SLC3A1: variants seen among roughly 807,000 people sequenced by gnomAD.
SLC3A1 encodes amino acid transporter heavy chain SLC3A1.
SLC3A1 carries 78 observed loss-of-function variants against 60.3 expected under a neutral mutation model. The observed-to-expected ratio is 1.29, with a 90% confidence interval of 1.08 to 1.56. SLC3A1 has a LOEUF of 1.56. SLC3A1 is among the 40% of genes most tolerant of loss of function. The probability of loss-of-function intolerance (pLI) is 0.00; values close to 1 mark genes in which losing one functional copy is unlikely to be tolerated. For missense variants in SLC3A1, 1,172 were observed against 858.9 expected, an observed-to-expected ratio of 1.36 and a Z score of -4.56; for synonymous variants, 392 against 307.9, an observed-to-expected ratio of 1.27 and a Z score of -2.86.
At chr2:44,314,350 G>C (rs1340849400) in intron 9 of SLC3A1, 4 of 414,462 alleles carry the variant, frequency 9.7e-6, no homozygotes, top group South Asian at 3.2e-5. Flanking sequence ...AATCAACCCA[G>C]AGCAAGGCTC....
rs1442107309 is a variant in SLC3A1, at chr2:44,287,171, C to T, written c.891+1014C>T. ...AGTCTCCAATATACTGAGGGGAAAG[C>T]AGGCAATTAGCCACTAAATATATAT... On this transcript the variant is annotated intron_variant, in intron 4 of 9. Transcript: ENST00000260649. Among the ~76,000 whole-genome samples the T allele has an allele frequency of 4.6e-5, 7 of 152,204 alleles. No homozygotes were observed. The East Asian group carries it at 9.7e-4, about 21-fold the overall frequency.
chr2:44,306,623 G>A (rs1311497366), intron 7 of SLC3A1, among the ~76,000 whole-genome samples: 12 of 144,136 alleles, frequency 8.3e-5, no homozygotes, highest in Non-Finnish European at 6.0e-5. Flanking sequence ...GTGTGATCCC[G>A]GCTCACTTCA....
intron 4 of SLC3A1, among the ~76,000 whole-genome samples, chr2:44,292,156 C>G (rs1026464028): frequency 2.6e-5 from 4 of 152,208 alleles, no homozygotes; most frequent in Admixed American, 6.5e-5. Context: ...GGCCTCGTAT[C>G]TGGGGTTTGG....
intron 7 of SLC3A1, among the ~76,000 whole-genome samples, chr2:44,307,115 G>A (rs1672177233): frequency 6.6e-6 from 1 of 152,140 alleles, no homozygotes; most frequent in Non-Finnish European, 1.5e-5. Context: ...GGACTTTTGT[G>A]TCTAGCTTCT....
chr2:44,302,061 AAAAT>A (rs1304790038), intron 6 of SLC3A1, among the ~76,000 whole-genome samples: 3 of 152,230 alleles, frequency 2.0e-5, no homozygotes, highest in African/African-American at 7.2e-5. Flanking sequence ...TCTCAAGAAA[AAAAT>A]AAAAATACCA....
At position 44,301,026 on chromosome 2, in the gene SLC3A1, G is replaced by A. The variant is rs78795495; in HGVS notation, c.1035G>A (p.Glu345=). The change falls in exon 6 of 10, where the codon GAG becomes GAA. Residue 345 remains glutamate (E), a synonymous_variant. Transcript: ENST00000260649. ...QIPDTVTQYS[E]LYHDFTTTQV... is the part of the protein sequence containing the mutation. ...AGGACACGGTCACACAATACTCGGAGCTGTACCATGACTTCACCACCACGC... is the reference window on the plus strand; with the variant it reads ...AGGACACGGTCACACAATACTCGGAACTGTACCATGACTTCACCACCACGC... 8,347 of 1,614,140 alleles carry A rather than the reference G, an allele frequency of 5.2e-3. 29 individuals are homozygous for A. The highest frequency in any genetic ancestry group is 6.5e-3 in the Non-Finnish European group (7,668 of 1,180,014).
chr2:44,316,030 A>C (rs1672435641), intron 9 of SLC3A1, among the ~76,000 whole-genome samples: 1 of 152,202 alleles, frequency 6.6e-6, no homozygotes, highest in Non-Finnish European at 1.5e-5. Context: ...TATCACCTTC[A>C]AGTAGGAAAA....
At chr2:44,313,308 T>C (rs1399487235) in intron 8 of SLC3A1, among the ~76,000 whole-genome samples, 3 of 152,204 alleles carry the variant, frequency 2.0e-5, no homozygotes, top group Non-Finnish European at 2.9e-5. Flanking sequence ...ATCTTGCAAC[T>C]TTAATTGCCT....
chr2:44,290,113 A>G (rs1572796703), intron 4 of SLC3A1, among the ~76,000 whole-genome samples: 1 of 138,346 alleles, frequency 7.2e-6, no homozygotes, highest in Non-Finnish European at 1.5e-5. Context: ...TGTGAAGGTA[A>G]GCTGTCCGAC....
chr2:44,283,529 A>G (rs1671546692), intron 3 of SLC3A1, among the ~76,000 whole-genome samples: 1 of 152,310 alleles, frequency 6.6e-6, no homozygotes, highest in South Asian at 2.1e-4. Context: ...CAGCTAATAA[A>G]TGACAGGGCT....
Position 44,275,607 on chromosome 2 carries a change from T to G in SLC3A1, c.72T>G (p.Phe24Leu), listed in dbSNP as rs750486766. ...SMKGCQTNNG[F>L]VHNEDILEQT... The stretch of plus-strand genomic sequence containing the variant: ...AGGGATGCCAGACAAACAACGGGTT[T>G]GTCCATAATGAAGACATTCTGGAGC... Residue 24 changes from phenylalanine (F) to leucine (L), a missense_variant, in exon 1 of 10, where the codon TTT becomes TTG. Physicochemically the swap from Phe to Leu is conservative, Grantham distance 22. Coordinates refer to ENST00000260649, the MANE Select transcript of SLC3A1 (RefSeq NM_000341.4). 2 of 1,614,074 alleles carry G rather than the reference T, an allele frequency of 1.2e-6. No homozygotes were observed. The highest frequency in any genetic ancestry group is 3.3e-5 in the Admixed American group (2 of 60,008).
At chr2:44,314,414 G>A (rs1672376043) in intron 9 of SLC3A1, 1 of 223,594 alleles carries the variant, frequency 4.5e-6, no homozygotes, top group Non-Finnish European at 8.9e-6. Context: ...CCTTAAAGTG[G>A]TTGCTCTGGC....
At position 44,304,225 on chromosome 2, in the gene SLC3A1, T is replaced by A; in HGVS notation, c.1219T>A (p.Phe407Ile). The part of the protein sequence containing the change: ...YGLPFIQEAD[F>I]PFNNYLSMLD... The stretch of plus-strand genomic sequence containing the variant: ...ATTGCCATTTATCCAAGAAGCTGAT[T>A]TTCCCTTCAACAATTACCTCAGCAT... Residue 407 changes from phenylalanine to isoleucine, a missense_variant, in exon 7 of 10, where the codon TTT becomes ATT. Coordinates refer to ENST00000260649, the MANE Select transcript of SLC3A1 (RefSeq NM_000341.4). 6.2e-7 allele frequency: 1 copy of A among 1,614,114 alleles called. No homozygotes were observed. Among genetic ancestry groups the A allele is most frequent in the Non-Finnish European group, 8.5e-7 (1 of 1,179,952 alleles).
chr2:44,296,230 G>A (rs1274970799), intron 4 of SLC3A1, among the ~76,000 whole-genome samples: 1 of 152,098 alleles, frequency 6.6e-6, no homozygotes, highest in Non-Finnish European at 1.5e-5. Context: ...TTACCCTCTT[G>A]TATTACCATG....
chr2:44,304,014 G>A, intron 6 of SLC3A1, 129 bp from the exon 7 acceptor site: 2 of 777,962 alleles, frequency 2.6e-6, no homozygotes, highest in South Asian at 2.8e-5. Flanking sequence ...TCTAGAAGGT[G>A]CTAGTCCTAT....
intron 3 of SLC3A1, among the ~76,000 whole-genome samples, chr2:44,284,450 T>C (rs924049987): frequency 3.9e-5 from 6 of 152,192 alleles, no homozygotes; most frequent in Non-Finnish European, 8.8e-5. Context: ...CTCTACAGGA[T>C]AGTGTCAAAT....
At chr2:44,318,217 A>G (rs775434182) in intron 9 of SLC3A1, 7 of 380,992 alleles carry the variant, frequency 1.8e-5, no homozygotes, top group Admixed American at 3.3e-5. Context: ...CAGCCTCCCA[A>G]GTAGCTGGGA....
intron 7 of SLC3A1, among the ~76,000 whole-genome samples, chr2:44,310,592 G>A (rs1672269865): frequency 6.6e-6 from 1 of 152,096 alleles, no homozygotes; most frequent in South Asian, 2.1e-4. Context: ...TGACTGATAT[G>A]TCTAAGTGTG....
intron 2 of SLC3A1, 25 bp from the exon 3 acceptor site, chr2:44,281,362 A>G (rs1285133455): frequency 6.3e-7 from 1 of 1,593,376 alleles, no homozygotes; most frequent in Non-Finnish European, 8.6e-7. Flanking sequence ...TTTCCCTAGC[A>G]TTTGAAATGT....
Sources: gnomAD v4.1 joint callset for allele counts (sites outside exome capture counted in the v4.1 genomes callset) on GRCh38, gnomAD v4.1.1 for gene constraint, MANE v1.5 for transcripts, NCBI Gene and HGNC (gene_info 2026-07-23, HGNC 2026-07-21) for gene names.